ATAD3B: variants seen among roughly 807,000 people sequenced by gnomAD.
The protein encoded by ATAD3B is ATPase family AAA domain containing 3B, also known as ATPase family AAA domain-containing protein 3B.
In ATAD3B, 59 loss-of-function variants were observed where a neutral mutation model predicts 70.2. The observed-to-expected ratio is 0.84, with a 90% CI of 0.68 to 1.04. ATAD3B has a LOEUF of 1.04. ATAD3B is among the 50% of genes least tolerant of loss of function. ATAD3B has a pLI of 0.00. For missense variants in ATAD3B, 961 were observed against 913.4 expected, an observed-to-expected ratio of 1.05 and a Z score of -0.67; for synonymous variants, 423 against 388.6, an observed-to-expected ratio of 1.09 and a Z score of -1.04.
chr1:1,473,801 G>A (rs748526341), intron 1 of ATAD3B, among the ~76,000 whole-genome samples: 1 of 152,018 alleles, frequency 6.6e-6, no homozygotes, highest in Admixed American at 6.6e-5. Flanking sequence ...GCCAGCAGGG[G>A]TTCCTTTTTA....
rs373575774 is a variant in ATAD3B, at chr1:1,487,855, G to T, written c.1215-8G>T. 36 of 1,612,748 alleles carry T rather than the reference G, an allele frequency of 2.2e-5. No individual in the cohort carries two copies. The highest frequency in any genetic ancestry group is 2.9e-5 in the Non-Finnish European group (34 of 1,179,328). On this transcript the variant is annotated splice_polypyrimidine_tract_variant and splice_region_variant and intron_variant, in intron 11 of 15. Coordinates refer to ENST00000673477, the MANE Select transcript of ATAD3B (RefSeq NM_031921.6). ...TCTCGCCTTGCTTGGCCTCTCTCTC[G>T]TTCACAGCCTCCTGCTCTTCATGGA...
intron 1 of ATAD3B, 32 bp from the exon 2 acceptor site, chr1:1,477,242 A>T: frequency 1.9e-6 from 3 of 1,610,762 alleles, no homozygotes; most frequent in Non-Finnish European, 2.5e-6. Context: ...CGTGTATCCT[A>T]CACCTGCTCT....
downstream of ATAD3B, among the ~76,000 whole-genome samples, chr1:1,499,966 TGTCTC>T (rs1640909604): frequency 6.8e-6 from 1 of 147,358 alleles, no homozygotes; most frequent in East Asian, 2.0e-4. Flanking sequence ...GGCACGATCT[TGTCTC>T]ACTGCAACCT....
At chr1:1,491,473 A>G (rs968329771) in intron 15 of ATAD3B, among the ~76,000 whole-genome samples, 5 of 151,862 alleles carry the variant, frequency 3.3e-5, no homozygotes, top group African/African-American at 9.7e-5. Context: ...GGAGGTTGCA[A>G]TGAGCCAAGA....
intron 15 of ATAD3B, 148 bp downstream of exon 15, chr1:1,490,819 C>A: frequency 1.4e-6 from 2 of 1,462,666 alleles, no homozygotes; most frequent in Non-Finnish European, 1.8e-6. Flanking sequence ...GGGCCCCCTG[C>A]CTCAGTCGGG....
chr1:1,490,800 C>G (rs527898756), intron 15 of ATAD3B, 129 bp downstream of exon 15: 12 of 1,477,794 alleles, frequency 8.1e-6, no homozygotes, highest in African/African-American at 2.8e-5. Context: ...AGTGCACAGA[C>G]GTGACACAGG....
rs1008326080 is a variant in ATAD3B at position 1,485,552 on chromosome 1, A to G, written c.907-230A>G. Among the ~76,000 whole-genome samples, 25 of 152,186 alleles carry G rather than the reference A, an allele frequency of 1.6e-4. No homozygotes were observed. In the Middle Eastern group the frequency reaches 0.01, roughly 62 times the overall value. ...CTGAGGTGCCTGCTCTCCACAGGTC[A>G]CTGGGTAGGTGGTTAAGAAAATAAA... On this transcript the variant is annotated intron_variant, in intron 8 of 15. Coordinates refer to ENST00000673477, the MANE Select transcript of ATAD3B (RefSeq NM_031921.6).
Position 1,490,703 on chromosome 1 carries a change from G to A in ATAD3B, c.1614+32G>A, listed in dbSNP as rs775842593. 5.0e-5 allele frequency: 77 copies of A among 1,549,742 alleles called. 3 individuals carry two copies. In the South Asian group the frequency reaches 6.9e-4, roughly 14 times the overall value. ...CAGGCTCCGGCACGTCCACCCAGAC[G>A]GGACCCCAGCTGCTGTGGAGATGCT... is the stretch of plus-strand genomic sequence containing the variant. On this transcript the variant is annotated intron_variant, in intron 15 of 15. Transcript: ENST00000673477.
downstream of ATAD3B, among the ~76,000 whole-genome samples, chr1:1,500,793 A>T (rs927364180): frequency 6.6e-6 from 1 of 150,772 alleles, no homozygotes; most frequent in Admixed American, 6.6e-5. Context: ...CTCTACTAAA[A>T]ATACAAAAAA....
At chr1:1,474,606 T>A (rs1359238794) in intron 1 of ATAD3B, among the ~76,000 whole-genome samples, 1 of 151,878 alleles carries the variant, frequency 6.6e-6, no homozygotes, top group Non-Finnish European at 1.5e-5. Context: ...TTCAAGCGAT[T>A]CTCCTGCCTC....
intron 7 of ATAD3B, among the ~76,000 whole-genome samples, chr1:1,483,295 C>T (rs1640023271): frequency 6.6e-6 from 1 of 151,698 alleles, no homozygotes; most frequent in African/African-American, 2.4e-5. Context: ...GGTGAAACCC[C>T]ATCTCTGCTA....
chr1:1,493,050 G>A (rs1640616444), intron 15 of ATAD3B, among the ~76,000 whole-genome samples: 1 of 151,986 alleles, frequency 6.6e-6, no homozygotes, highest in African/African-American at 2.4e-5. Context: ...GGCAGAGGTT[G>A]CAGTGAGCTA....
At chr1:1,499,590 T>G (rs1003827163), downstream of ATAD3B, among the ~76,000 whole-genome samples, 11 of 140,744 alleles carry the variant, frequency 7.8e-5, no homozygotes, top group Admixed American at 5.7e-4. Flanking sequence ...ACAGCTCTTT[T>G]TTTTTTTTTT....
chr1:1,488,534 G>A (rs965938658), intron 12 of ATAD3B, among the ~76,000 whole-genome samples: 2 of 152,090 alleles, frequency 1.3e-5, no homozygotes, highest in African/African-American at 4.8e-5. Flanking sequence ...GCCAAGGCAG[G>A]TGGATGACGA....
At chr1:1,488,439 C>G (rs1162270171) in intron 12 of ATAD3B, among the ~76,000 whole-genome samples, 4 of 152,020 alleles carry the variant, frequency 2.6e-5, no homozygotes, top group Non-Finnish European at 5.9e-5. Flanking sequence ...ATTGTCCAGG[C>G]AGGGCTCAAA....
At chr1:1,487,776 C>G in intron 11 of ATAD3B, 87 bp from the exon 12 acceptor site, 1 of 1,516,274 alleles carries the variant, frequency 6.6e-7, no homozygotes, top group Non-Finnish European at 9.1e-7. Flanking sequence ...GATCTGCCTG[C>G]CTGGCCTGCT....
chr1:1,499,586 C>CTTTTTTT (rs71578322), downstream of ATAD3B, among the ~76,000 whole-genome samples: 24 of 65,768 alleles, frequency 3.6e-4, no homozygotes, highest in East Asian at 1.7e-3. Flanking sequence ...CCAAACAGCT[C>CTTTTTTT]TTTTTTTTTT....
chr1:1,489,101 C>A, intron 12 of ATAD3B, 103 bp from the exon 13 acceptor site: 1 of 1,576,584 alleles, frequency 6.3e-7, no homozygotes, highest in Non-Finnish European at 8.7e-7. Context: ...AAAGTGTCGC[C>A]ACGTCCCTGC....
In ATAD3B at chr1:1,471,842, G is replaced by A; in HGVS notation, c.-43G>A. The A allele has an allele frequency of 4.0e-6, 5 of 1,264,878 alleles. No homozygotes were observed. Among genetic ancestry groups the A allele is most frequent in the Non-Finnish European group, 5.0e-6 (5 of 1,001,810 alleles). The allele number at this position is 1,264,878 out of a possible 1,614,324, so 78.4% of individuals were successfully genotyped here. ...TCCCAGCCGCGCCCGAGTCAGACTC[G>A]GGTGGGGGTCCCGGCGGCGGTAGCG... On this transcript the variant is annotated 5_prime_UTR_variant, in exon 1 of 16. Transcript: ENST00000673477.
Sources: gnomAD v4.1 joint callset for allele counts (sites outside exome capture counted in the v4.1 genomes callset) on GRCh38, gnomAD v4.1.1 for gene constraint, MANE v1.5 for transcripts, NCBI Gene and HGNC (gene_info 2026-07-23, HGNC 2026-07-21) for gene names.